Variants in OSBP2 observed in about 807,000 individuals in gnomAD.
The protein encoded by OSBP2 is oxysterol binding protein 2.
OSBP2 carries 66 observed loss-of-function variants against 96.0 expected under a neutral mutation model. The ratio of observed to expected loss-of-function variants is 0.69; its 90% confidence interval spans 0.56 to 0.84. The LOEUF (loss-of-function observed/expected upper bound fraction) is 0.84. OSBP2 is among the 40% of genes least tolerant of loss of function. OSBP2 has a pLI of 0.00. For missense variants in OSBP2, 1,038 were observed against 1,222.7 expected, an observed-to-expected ratio of 0.85 and a Z score of 2.25; for synonymous variants, 525 against 520.9, an observed-to-expected ratio of 1.01 and a Z score of -0.11.
At chr22:30,703,092 C>G (rs1252325019) in intron 1 of OSBP2, among the ~76,000 whole-genome samples, 1 of 152,038 alleles carries the variant, frequency 6.6e-6, no homozygotes, top group Non-Finnish European at 1.5e-5. Flanking sequence ...GCAGGAAAAG[C>G]AACAGTGGGA....
At chr22:30,859,440 C>CCA (rs2039161823) in intron 2 of OSBP2, among the ~76,000 whole-genome samples, 1 of 152,258 alleles carries the variant, frequency 6.6e-6, no homozygotes, top group Non-Finnish European at 1.5e-5. Flanking sequence ...GGATTGCTGA[C>CCA]CCCACAACCA....
rs533944590 is a variant in OSBP2 at position 30,744,033 on chromosome 22, G to A, written c.853+2664G>A. Among the ~76,000 whole-genome samples, 5 of 152,314 alleles carry A rather than the reference G, an allele frequency of 3.3e-5. No homozygotes were observed. In the South Asian group the frequency reaches 1.0e-3, roughly 32 times the overall value. On this transcript the variant is annotated intron_variant, in intron 2 of 13. Transcript: ENST00000332585. The stretch of plus-strand genomic sequence containing the variant: ...GGCACAGGACAGAGACAAATGTCCA[G>A]GTAACCCTCAAGGTAGGATTCCTCT...
At chr22:30,822,948 CTAAT>C (rs2054327348) in intron 2 of OSBP2, among the ~76,000 whole-genome samples, 1 of 152,352 alleles carries the variant, frequency 6.6e-6, no homozygotes, top group South Asian at 2.1e-4. Flanking sequence ...ACTTGTCCGT[CTAAT>C]TAACCTATGC....
rs146487425 is a variant in OSBP2, at chr22:30,727,067, G to A, written c.645-14094G>A. On this transcript the variant is annotated intron_variant, in intron 1 of 13. Coordinates refer to ENST00000332585, the MANE Select transcript of OSBP2 (RefSeq NM_030758.4). ...TAGGTAGGTGGGCCTGGCTTTGGTG[G>A]CTGTGTCCTGTGGAGCCCCAGCCTA... Among the ~76,000 whole-genome samples, 3 of 152,300 alleles carry A rather than the reference G, an allele frequency of 2.0e-5. No homozygotes were observed. In the East Asian group the frequency reaches 5.8e-4, roughly 29 times the overall value.
chr22:30,709,404 T>C (rs2089308239), intron 1 of OSBP2, among the ~76,000 whole-genome samples: 1 of 152,164 alleles, frequency 6.6e-6, no homozygotes, highest in African/African-American at 2.4e-5. Context: ...ATCTAGAAAG[T>C]TGAATAGGTG....
At chr22:30,810,021 G>A (rs982362655) in intron 2 of OSBP2, among the ~76,000 whole-genome samples, 1 of 152,102 alleles carries the variant, frequency 6.6e-6, no homozygotes, top group African/African-American at 2.4e-5. Flanking sequence ...GGTGGAATGT[G>A]GGAGACATCC....
chr22:30,805,793 G>A (rs974699086), intron 2 of OSBP2, among the ~76,000 whole-genome samples: 2 of 152,160 alleles, frequency 1.3e-5, no homozygotes, highest in African/African-American at 4.8e-5. Flanking sequence ...AACATTGGCT[G>A]GTCAACCCTG....
At chr22:30,837,363 G>A (rs1209466729) in intron 2 of OSBP2, among the ~76,000 whole-genome samples, 5 of 152,234 alleles carry the variant, frequency 3.3e-5, no homozygotes, top group African/African-American at 1.2e-4. Flanking sequence ...TTTGTGCCCA[G>A]GCAGTGATGC....
At chr22:30,758,501 T>C (rs572826002) in intron 2 of OSBP2, among the ~76,000 whole-genome samples, 54 of 152,254 alleles carry the variant, frequency 3.5e-4, no homozygotes, top group African/African-American at 1.3e-3. Context: ...GACCAGAATC[T>C]GAGGTAACAC....
In OSBP2 at chr22:30,906,593, G is replaced by A. The variant is rs568216774; in HGVS notation, c.*254G>A. 6.8e-5 allele frequency: 25 copies of A among 369,336 alleles called. No individual in the cohort carries two copies. Among genetic ancestry groups the A allele is most frequent in the Non-Finnish European group, 1.1e-4 (23 of 208,968 alleles). 22.9% of individuals were successfully genotyped at this position (369,336 alleles called of 1,614,324 possible). A position where few individuals can be genotyped will look rare whatever the true frequency, so the allele number is the denominator to read the frequency against. ...CTTCATTATGGACCTGGGCCCTACC[G>A]GAACCCCTGCCCCAGTTACCACAAC... is the stretch of plus-strand genomic sequence containing the variant. On this transcript the variant is annotated 3_prime_UTR_variant, in exon 14 of 14. Transcript: ENST00000332585.
At chr22:30,762,494 A>G (rs2090218903) in intron 2 of OSBP2, among the ~76,000 whole-genome samples, 1 of 151,868 alleles carries the variant, frequency 6.6e-6, no homozygotes, top group South Asian at 2.1e-4. Flanking sequence ...GTGAGCTGAG[A>G]TTGCACCACT....
At chr22:30,775,677 C>A (rs1265238277) in intron 2 of OSBP2, among the ~76,000 whole-genome samples, 2 of 152,126 alleles carry the variant, frequency 1.3e-5, no homozygotes, top group African/African-American at 4.8e-5. Context: ...CCTGAAATCA[C>A]AATTCTTTAA....
intron 2 of OSBP2, among the ~76,000 whole-genome samples, chr22:30,842,261 G>A (rs57614295): frequency 0.049 from 7,525 of 152,084 alleles, 616 homozygotes; most frequent in African/African-American, 0.17. Flanking sequence ...ATGAACCATC[G>A]CACTTCAGTC....
intron 2 of OSBP2, among the ~76,000 whole-genome samples, chr22:30,828,611 G>A (rs949345149): frequency 2.0e-5 from 3 of 152,222 alleles, no homozygotes; most frequent in Non-Finnish European, 2.9e-5. Flanking sequence ...AGGGCCCGAC[G>A]TGGGCAAGCA....
At position 30,888,227 on chromosome 22, in the gene OSBP2, C is replaced by G. The variant is rs769068545; in HGVS notation, c.1305C>G (p.Ser435Arg). 6.3e-7 allele frequency: 1 copy of G among 1,598,532 alleles called. No homozygotes were observed. The stretch of plus-strand genomic sequence containing the variant: ...AAGCTCTGTCTGTGTCTCTAGGAAG[C>G]CTCTTGACTCCCAAAGGAGAGGACA... ...ANPSKSFIEG[S>R]LLTPKGEDSE... is the part of the protein sequence containing the mutation. Residue 435 changes from serine (S) to arginine (R), a missense_variant, in exon 5 of 14, where the codon AGC becomes AGG. By Grantham distance (110) the Ser-to-Arg change is moderately radical. This residue lies in a region of OSBP2 where 737 missense variants were observed against 913.3 expected (regional missense o/e 0.81). Transcript: ENST00000332585.
intron 2 of OSBP2, among the ~76,000 whole-genome samples, chr22:30,819,734 C>T (rs978729952): frequency 2.0e-5 from 3 of 152,114 alleles, no homozygotes; most frequent in Non-Finnish European, 2.9e-5. Context: ...TTTTTCTGTA[C>T]CATTTTCATT....
chr22:30,863,425 G>A (rs1440439433), intron 2 of OSBP2, among the ~76,000 whole-genome samples: 1 of 152,172 alleles, frequency 6.6e-6, no homozygotes, highest in Non-Finnish European at 1.5e-5. Flanking sequence ...ACACCACTGC[G>A]CTGTTTCTCC....
intron 2 of OSBP2, among the ~76,000 whole-genome samples, chr22:30,788,978 G>A (rs888400891): frequency 1.3e-5 from 2 of 152,166 alleles, no homozygotes; most frequent in African/African-American, 4.8e-5. Flanking sequence ...CTCGCAAAGT[G>A]CTGAGATTAC....
chr22:30,703,762 C>T (rs1002356668), intron 1 of OSBP2, among the ~76,000 whole-genome samples: 2 of 152,158 alleles, frequency 1.3e-5, no homozygotes, highest in African/African-American at 4.8e-5. Context: ...AGGTGTGAGC[C>T]ATCGTGCCTG....
Sources: allele counts gnomAD v4.1 joint callset (sites outside exome capture counted in the v4.1 genomes callset), GRCh38; gene constraint gnomAD v4.1.1; regional missense constraint gnomAD v4.1.1; transcripts MANE v1.5; gene names NCBI Gene and HGNC (gene_info 2026-07-23, HGNC 2026-07-21).